ANKRD30BL: variants seen among roughly 807,000 people sequenced by gnomAD.
ANKRD30BL encodes the protein putative ankyrin repeat domain-containing protein 30B-like.
In ANKRD30BL, 20 loss-of-function variants were observed where a neutral mutation model predicts 18.4. The observed-to-expected ratio is 1.09, with a 90% CI of 0.77 to 1.58. The LOEUF (loss-of-function observed/expected upper bound fraction) is 1.58, where lower values mean the gene tolerates loss of function less well. Ranked by LOEUF, ANKRD30BL falls within the 40% of genes most tolerant of loss-of-function variation. The probability of loss-of-function intolerance (pLI) is 0.00; values close to 1 mark genes in which losing one functional copy is unlikely to be tolerated. For synonymous variants in ANKRD30BL, 72 were observed against 100.9 expected (o/e 0.71, Z 1.72); for missense variants, 224 against 268.6 (o/e 0.83, Z 1.16).
intron 1 of ANKRD30BL, among the ~76,000 whole-genome samples, chr2:132,182,472 C>G (rs189754803): frequency 6.7e-6 from 1 of 149,944 alleles, no homozygotes; most frequent in African/African-American, 2.5e-5. Flanking sequence ...CAGAGCAAGA[C>G]TCCATCTCAG....
intron 1 of ANKRD30BL, among the ~76,000 whole-genome samples, chr2:132,201,836 T>C (rs1679105253): frequency 6.6e-6 from 1 of 152,190 alleles, no homozygotes; most frequent in South Asian, 2.1e-4. Flanking sequence ...CAAAGACACA[T>C]GCACACGTAT....
intron 1 of ANKRD30BL, among the ~76,000 whole-genome samples, chr2:132,178,439 T>C (rs1350450957): frequency 6.6e-6 from 1 of 152,286 alleles, no homozygotes; most frequent in East Asian, 1.9e-4. Context: ...TTTGACTAAA[T>C]GCATGGTAGT....
chr2:132,256,433 C>G (rs188944337), intron 1 of ANKRD30BL, among the ~76,000 whole-genome samples: 11 of 152,202 alleles, frequency 7.2e-5, no homozygotes, highest in Non-Finnish European at 4.4e-5. Context: ...CCGCCCGACC[C>G]GTGTGCGGCA....
chr2:132,249,595 C>CA (rs373597752), intron 1 of ANKRD30BL, among the ~76,000 whole-genome samples: 20 of 150,172 alleles, frequency 1.3e-4, no homozygotes, highest in African/African-American at 4.2e-4. Flanking sequence ...ATGTACACAT[C>CA]AAAAAAAAAG....
At chr2:132,222,208 T>A (rs372407295) in intron 1 of ANKRD30BL, among the ~76,000 whole-genome samples, 95 of 123,620 alleles carry the variant, frequency 7.7e-4, no homozygotes, top group African/African-American at 2.9e-3. Flanking sequence ...TCCGGGAGGG[T>A]GGTGGGGGGG....
At chr2:132,248,604 A>C (rs941727045) in intron 1 of ANKRD30BL, among the ~76,000 whole-genome samples, 9 of 152,220 alleles carry the variant, frequency 5.9e-5, no homozygotes, top group African/African-American at 1.7e-4. Flanking sequence ...TCTAGTTTTT[A>C]TGTGAAGATA....
Position 132,256,861 on chromosome 2 carries a change from C to T in ANKRD30BL, n.441+668G>A, listed in dbSNP as rs1046772935. The T allele has an allele frequency of 4.4e-4, 194 of 436,170 alleles. 2 individuals are homozygous for T. Among genetic ancestry groups the T allele is most frequent in the African/African-American group, 3.6e-3 (178 of 49,264 alleles). 27.0% of individuals were successfully genotyped at this position (436,170 alleles called of 1,614,324 possible). ...CACCACAGCCTAAGGCGGTGAGCCG[C>T]TCGGGGAGAGAGGATCCGCGGGCAG... On this transcript the variant is annotated intron_variant and non_coding_transcript_variant, in intron 1 of 4. Coordinates refer to the ANKRD30BL transcript ENST00000470729.
intron 1 of ANKRD30BL, among the ~76,000 whole-genome samples, chr2:132,257,375 G>A (rs1281499921): frequency 6.6e-6 from 1 of 151,428 alleles, no homozygotes; most frequent in East Asian, 2.0e-4. Context: ...CACAGCCACC[G>A]CTCACGCAGC....
chr2:132,174,405 A>G (rs972319221), intron 1 of ANKRD30BL, among the ~76,000 whole-genome samples: 2 of 152,192 alleles, frequency 1.3e-5, no homozygotes, highest in Admixed American at 1.3e-4. Flanking sequence ...GTGGACATCT[A>G]TAAAATCCCC....
chr2:132,161,312 G>A (rs1688050070), intron 1 of ANKRD30BL, among the ~76,000 whole-genome samples, 176 bp downstream of exon 1: 1 of 152,090 alleles, frequency 6.6e-6, no homozygotes, highest in African/African-American at 2.4e-5. Flanking sequence ...CCAAGGCCTG[G>A]GGGACCTGCC....
chr2:132,229,269 A>G (rs1298372694), intron 1 of ANKRD30BL, among the ~76,000 whole-genome samples: 1 of 152,130 alleles, frequency 6.6e-6, no homozygotes, highest in Non-Finnish European at 1.5e-5. Context: ...CTACCGTACA[A>G]AAGGAAATAT....
At chr2:132,200,061 C>A (rs1679064237) in intron 1 of ANKRD30BL, among the ~76,000 whole-genome samples, 2 of 152,096 alleles carry the variant, frequency 1.3e-5, no homozygotes, top group African/African-American at 4.8e-5. Flanking sequence ...AAGACAAAAA[C>A]CACGTGAAAA....
chr2:132,215,440 T>A (rs1284435476), intron 1 of ANKRD30BL, among the ~76,000 whole-genome samples: 1 of 152,200 alleles, frequency 6.6e-6, no homozygotes, highest in African/African-American at 2.4e-5. Flanking sequence ...TACTTTTGAT[T>A]AAGCAGTTCT....
At chr2:132,210,607 A>G (rs796599422) in intron 1 of ANKRD30BL, among the ~76,000 whole-genome samples, 13 of 142,714 alleles carry the variant, frequency 9.1e-5, no homozygotes, top group East Asian at 4.4e-4. Context: ...ATCTCACAGA[A>G]TTGAAACTTT....
At chr2:132,222,594 G>A (rs1210213088) in intron 1 of ANKRD30BL, among the ~76,000 whole-genome samples, 1 of 151,942 alleles carries the variant, frequency 6.6e-6, no homozygotes, top group Non-Finnish European at 1.5e-5. Flanking sequence ...AATGGATTAA[G>A]GGCGGTCCAA....
At chr2:132,189,612 A>T (rs1326114218) in intron 1 of ANKRD30BL, among the ~76,000 whole-genome samples, 16 of 151,524 alleles carry the variant, frequency 1.1e-4, no homozygotes, top group Non-Finnish European at 2.1e-4. Flanking sequence ...ATTTACATAC[A>T]TGCTGAAACA....
At chr2:132,200,417 C>T (rs2104746776) in intron 1 of ANKRD30BL, among the ~76,000 whole-genome samples, 1 of 152,202 alleles carries the variant, frequency 6.6e-6, no homozygotes, top group African/African-American at 2.4e-5. Context: ...CCCAAAATCT[C>T]CTTAAGCTGA....
chr2:132,243,074 G>T (rs540547853), intron 1 of ANKRD30BL, among the ~76,000 whole-genome samples: 1 of 151,674 alleles, frequency 6.6e-6, no homozygotes, highest in Non-Finnish European at 1.5e-5. Context: ...CTAGACAGAG[G>T]CATTCTCAGA....
intron 1 of ANKRD30BL, among the ~76,000 whole-genome samples, chr2:132,185,510 T>A (rs1482930138): frequency 6.6e-6 from 1 of 152,158 alleles, no homozygotes; most frequent in Non-Finnish European, 1.5e-5. Context: ...ATGAGAAAAA[T>A]AGAACAAAGG....
Sources: gnomAD v4.1 joint callset for allele counts (sites outside exome capture counted in the v4.1 genomes callset) on GRCh38, gnomAD v4.1.1 for gene constraint, MANE v1.5 for transcripts, NCBI Gene and HGNC (gene_info 2026-07-23, HGNC 2026-07-21) for gene names.